The following ZFHX4 variants were observed in gnomAD, a reference collection of about 807,000 sequenced individuals.
ZFHX4 encodes the protein zinc finger homeobox 4.
In ZFHX4, 56 loss-of-function variants were observed where a neutral mutation model predicts 267.6. The ratio of observed to expected loss-of-function variants is 0.21; its 90% CI spans 0.17 to 0.26. ZFHX4 has a LOEUF of 0.26. Ranked by LOEUF, ZFHX4 falls within the 10% of genes least tolerant of loss-of-function variation. ZFHX4 has a pLI of 1.00. For missense variants in ZFHX4, 4,332 were observed against 4,420.0 expected (o/e 0.98, Z 0.56); for synonymous variants, 1,778 against 1,665.6 (o/e 1.07, Z -1.64).
At chr8:76,775,895 C>CTTTTTTT (rs904035424) in intron 3 of ZFHX4, among the ~76,000 whole-genome samples, 5 of 122,472 alleles carry the variant, frequency 4.1e-5, no homozygotes, top group Non-Finnish European at 5.4e-5. Flanking sequence ...AGTAAGTTTT[C>CTTTTTTT]TTTTTTTTTT....
At chr8:76,718,458 A>G (rs1333294900) in intron 3 of ZFHX4, among the ~76,000 whole-genome samples, 2 of 151,802 alleles carry the variant, frequency 1.3e-5, no homozygotes, top group Non-Finnish European at 3.0e-5. Context: ...TAGGTAATTT[A>G]AAAAACCCGC....
intron 1 of ZFHX4, among the ~76,000 whole-genome samples, chr8:76,687,075 T>G (rs1030492134): frequency 6.6e-6 from 1 of 152,222 alleles, no homozygotes; most frequent in African/African-American, 2.4e-5. Flanking sequence ...ATGCAAATTG[T>G]CAACTTAGGA....
chr8:76,851,236 G>A lies in ZFHX4; in HGVS notation c.4315G>A (p.Ala1439Thr). Reference protein sequence around the residue: ...LCQRSFRTFQALKKHLEAGHP... With the variant: ...LCQRSFRTFQTLKKHLEAGHP... ...CCAGCGCAGTTTCCGTACATTCCAG[G>A]CTTTAAAAAAACACTTGGAAGCAGG... Residue 1439 changes from alanine (A) to threonine (T), a missense_variant, in exon 10 of 11, where the codon GCT (alanine) becomes ACT (threonine). Ala to Thr is a moderately conservative substitution (Grantham distance 58, BLOSUM62 0). Coordinates refer to ENST00000651372, the MANE Select transcript of ZFHX4 (RefSeq NM_024721.5). 1 of 1,613,744 alleles carries A rather than the reference G, an allele frequency of 6.2e-7. No homozygotes were observed. The highest frequency in any genetic ancestry group is 8.5e-7 in the Non-Finnish European group (1 of 1,179,804).
intron 4 of ZFHX4, among the ~76,000 whole-genome samples, chr8:76,797,880 G>T (rs2131819930): frequency 7.0e-6 from 1 of 142,514 alleles, no homozygotes; most frequent in Admixed American, 7.0e-5. Context: ...TGGGGTGTGT[G>T]TCTGTATGTG....
chr8:76,830,711 T>G (rs1585988451), intron 4 of ZFHX4, among the ~76,000 whole-genome samples: 1 of 152,194 alleles, frequency 6.6e-6, no homozygotes. Flanking sequence ...ATTTGTAAGA[T>G]TAAACAACAG....
rs1306899927 is a variant in ZFHX4 at position 76,854,842 on chromosome 8, G to A, written c.7921G>A (p.Glu2641Lys). ...TRKMLDHIAR[E>K]VGLKKRVVQV... ...AAAAATGCTTGATCATATTGCCCGC[G>A]AAGTCGGGCTGAAAAAAAGGGTCGT... The change falls in exon 10 of 11, where the codon GAA becomes AAA. Residue 2641 changes from glutamate (E) to lysine (K), a missense_variant. By Grantham distance (56) the Glu-to-Lys change is moderately conservative (BLOSUM62 1). Transcript: ENST00000651372. 4.3e-6 allele frequency: 7 copies of A among 1,609,600 alleles called. No homozygotes were observed. The highest frequency in any genetic ancestry group is 5.1e-6 in the Non-Finnish European group (6 of 1,178,646).
chr8:76,719,019 T>C (rs1372482774), intron 3 of ZFHX4, among the ~76,000 whole-genome samples: 1 of 151,468 alleles, frequency 6.6e-6, no homozygotes, highest in African/African-American at 2.4e-5. Context: ...ATGTAGAACA[T>C]GGATCTATTC....
At chr8:76,727,592 T>G (rs1314379576) in intron 3 of ZFHX4, among the ~76,000 whole-genome samples, 2 of 152,174 alleles carry the variant, frequency 1.3e-5, no homozygotes, top group African/African-American at 4.8e-5. Flanking sequence ...GGAATACATA[T>G]TTCAGAAACC....
At chr8:76,736,800 G>C (rs767815287) in intron 3 of ZFHX4, among the ~76,000 whole-genome samples, 7 of 152,092 alleles carry the variant, frequency 4.6e-5, no homozygotes, top group Admixed American at 2.0e-4. Context: ...ATTTCAAATC[G>C]TAAGTTGTCT....
chr8:76,793,300 C>T (rs545520468), intron 4 of ZFHX4, among the ~76,000 whole-genome samples: 1 of 149,874 alleles, frequency 6.7e-6, no homozygotes, highest in Non-Finnish European at 1.5e-5. Context: ...TACAGGCGTT[C>T]TCAAATATAT....
chr8:76,766,411 G>T (rs904816965), intron 3 of ZFHX4, among the ~76,000 whole-genome samples: 1 of 152,132 alleles, frequency 6.6e-6, no homozygotes, highest in East Asian at 1.9e-4. Context: ...TATTTAAAAC[G>T]ATCTGTTCCA....
intron 4 of ZFHX4, among the ~76,000 whole-genome samples, chr8:76,821,527 ATT>A (rs75521134): frequency 1.4e-5 from 2 of 141,156 alleles, no homozygotes; most frequent in Non-Finnish European, 1.6e-5. Context: ...TCTTTCTGAG[ATT>A]TTTTTTTTTT....
At position 76,707,879 on chromosome 8, in the gene ZFHX4, C is replaced by G. The variant is rs1420755336; in HGVS notation, c.2924C>G (p.Ala975Gly). 1.2e-6 allele frequency: 2 copies of G among 1,613,926 alleles called. No individual in the cohort carries two copies. Among genetic ancestry groups the G allele is most frequent in the African/African-American group, 1.3e-5 (1 of 74,916 alleles). Residue 975 changes from alanine (A) to glycine (G), a missense_variant, in exon 3 of 11, where the codon GCT (alanine) becomes GGT (glycine). Around this residue, in one of 7 missense-constraint regions of ZFHX4, gnomAD observed 1,371 missense variants for 1,423.1 expected, o/e 0.96. Transcript: ENST00000651372. ...DKHMQKYQLV[A>G]HIKEGGKSNE... ...CATATGCAGAAATATCAACTGGTGG[C>G]TCACATTAAAGAAGGGGGCAAAAGC...
In ZFHX4 at chr8:76,704,865, T is replaced by C. The variant is rs1443836251; in HGVS notation, c.777T>C (p.Asn259=). Residue 259 remains asparagine, a synonymous_variant, in exon 2 of 11, where the codon AAT becomes AAC. Coordinates refer to ENST00000651372, the MANE Select transcript of ZFHX4 (RefSeq NM_024721.5). ...GTGTGTCCAAAGATGTCCCTAACAA[T>C]GTGGACTTGTCCAAATTCGATGGTT... ...NSCVSKDVPN[N]VDLSKFDGCV... 2 of 1,614,080 alleles carry C rather than the reference T, an allele frequency of 1.2e-6. No individual in the cohort carries two copies. Among genetic ancestry groups the C allele is most frequent in the East Asian group, 2.2e-5 (1 of 44,892 alleles).
At position 76,864,495 on chromosome 8, in the gene ZFHX4, T is replaced by A. The variant is rs773567914; in HGVS notation, c.10781T>A (p.Val3594Glu). ...GAAGACTTAGATAATTCTTTGGAAG[T>A]GAAGGCTAAGCCTGCTTCTGGCCTA... ...KLEDLDNSLE[V>E]KAKPASGLDG... Residue 3594 changes from valine (V) to glutamate (E), a missense_variant, in exon 11 of 11, where the codon GTG becomes GAG. Physicochemically the swap from Val to Glu is moderately radical, Grantham distance 121 (BLOSUM62 -2). This residue lies in a region of ZFHX4 where 1,648 missense variants were observed against 1,625.0 expected (regional missense o/e 1.01). Coordinates refer to ENST00000651372, the MANE Select transcript of ZFHX4 (RefSeq NM_024721.5). 1 of 1,613,460 alleles carries A rather than the reference T, an allele frequency of 6.2e-7. No individual in the cohort carries two copies. The highest frequency in any genetic ancestry group is 8.5e-7 in the Non-Finnish European group (1 of 1,179,744).
At chr8:76,734,312 G>A (rs1186856223) in intron 3 of ZFHX4, among the ~76,000 whole-genome samples, 5 of 152,130 alleles carry the variant, frequency 3.3e-5, no homozygotes, top group Admixed American at 2.6e-4. Flanking sequence ...CAGTGAGGCC[G>A]TGAAAACAAA....
At chr8:76,811,312 G>C (rs2131844943) in intron 4 of ZFHX4, among the ~76,000 whole-genome samples, 1 of 152,312 alleles carries the variant, frequency 6.6e-6, no homozygotes, top group East Asian at 1.9e-4. Context: ...TCTTCACGAA[G>C]GATGCACCTC....
Position 76,853,662 on chromosome 8 carries a change from A to G in ZFHX4, c.6741A>G (p.Thr2247=). ...GGGTTCTGCAAGACTTTTTTGACAC[A>G]AACGCTTACCCAAAAGATGATGAAA... is the stretch of plus-strand genomic sequence containing the variant. ...QLRVLQDFFD[T]NAYPKDDEIE... is the part of the protein sequence containing the mutation. Residue 2247 remains threonine (T), a synonymous_variant, in exon 10 of 11, where the codon ACA becomes ACG. Coordinates refer to ENST00000651372, the MANE Select transcript of ZFHX4 (RefSeq NM_024721.5). 6.2e-7 allele frequency: 1 copy of G among 1,613,666 alleles called. No individual in the cohort carries two copies. Among genetic ancestry groups the G allele is most frequent in the Non-Finnish European group, 8.5e-7 (1 of 1,179,794 alleles).
At chr8:76,817,967 G>GT (rs907036901) in intron 4 of ZFHX4, among the ~76,000 whole-genome samples, 2 of 152,218 alleles carry the variant, frequency 1.3e-5, no homozygotes, top group Non-Finnish European at 2.9e-5. Flanking sequence ...ACAGCTCTGG[G>GT]TTTAGCATTT....
Sources: gnomAD v4.1 joint callset for allele counts (sites outside exome capture counted in the v4.1 genomes callset) on GRCh38, gnomAD v4.1.1 for gene constraint, gnomAD v4.1.1 regional missense constraint, MANE v1.5 for transcripts, NCBI Gene and HGNC (gene_info 2026-07-23, HGNC 2026-07-21) for gene names.